ACVR1C: variants seen among roughly 807,000 people sequenced by gnomAD.
ACVR1C encodes the protein activin A receptor type 1C.
In ACVR1C, 23 loss-of-function variants were observed where a neutral mutation model predicts 57.9. That is an observed-to-expected ratio of 0.40 (90% confidence interval 0.29 to 0.56). The LOEUF is 0.56. ACVR1C is among the 20% of genes least tolerant of loss of function. ACVR1C has a pLI of 0.50. For missense variants in ACVR1C, 480 were observed against 607.9 expected, an observed-to-expected ratio of 0.79 and a Z score of 2.21; for synonymous variants, 214 against 215.3, an observed-to-expected ratio of 0.99 and a Z score of 0.05.
At chr2:157,551,277 C>T (rs1435823887) in intron 3 of ACVR1C, among the ~76,000 whole-genome samples, 17 of 152,068 alleles carry the variant, frequency 1.1e-4, no homozygotes, top group African/African-American at 3.9e-4. Context: ...ATCAATATTA[C>T]GCATCTCGCA....
At chr2:157,550,487 T>G in intron 3 of ACVR1C, 95 bp from the exon 4 acceptor site, 1 of 1,085,672 alleles carries the variant, frequency 9.2e-7, no homozygotes, top group South Asian at 1.6e-5. Context: ...AAGCAAACAT[T>G]TAAATGCTTT....
intron 1 of ACVR1C, among the ~76,000 whole-genome samples, chr2:157,603,319 G>T (rs1411787499): frequency 6.6e-6 from 1 of 152,084 alleles, no homozygotes; most frequent in Non-Finnish European, 1.5e-5. Flanking sequence ...AACAGACACA[G>T]TGACTATCCC....
At chr2:157,612,227 TGGGG>T (rs1228526150) in intron 1 of ACVR1C, among the ~76,000 whole-genome samples, 3 of 152,046 alleles carry the variant, frequency 2.0e-5, no homozygotes, top group Non-Finnish European at 4.4e-5. Flanking sequence ...TGCAATGTTT[TGGGG>T]GGTTAGTGGG....
intron 3 of ACVR1C, among the ~76,000 whole-genome samples, chr2:157,553,026 C>A (rs1298354818): frequency 6.6e-6 from 1 of 152,208 alleles, no homozygotes; most frequent in Non-Finnish European, 1.5e-5. Flanking sequence ...CTCATCAGTC[C>A]ATTTTCCCCT....
intron 1 of ACVR1C, among the ~76,000 whole-genome samples, chr2:157,620,031 T>C (rs974359951): frequency 6.6e-6 from 1 of 152,078 alleles, no homozygotes; most frequent in African/African-American, 2.4e-5. Flanking sequence ...TCATCTTGAT[T>C]TGGCACAATA....
chr2:157,588,939 AT>A (rs1158596637), intron 1 of ACVR1C, among the ~76,000 whole-genome samples: 1 of 143,384 alleles, frequency 7.0e-6, no homozygotes, highest in Non-Finnish European at 1.5e-5. Context: ...TTTTGTATTC[AT>A]TTTTTGTATT....
At chr2:157,556,851 C>T (rs1336195730) in intron 2 of ACVR1C, among the ~76,000 whole-genome samples, 1 of 151,814 alleles carries the variant, frequency 6.6e-6, no homozygotes, top group Non-Finnish European at 1.5e-5. Flanking sequence ...TTTATAGAGA[C>T]AGGGTTTCAC....
In ACVR1C at chr2:157,598,338, TTAAAA is replaced by T. The variant is rs1313896394; in HGVS notation, c.74-10926_74-10922del. On this transcript the variant is annotated intron_variant, in intron 1 of 8. Transcript: ENST00000243349. ...AATATATACAATTATGATTTGTTAA[TTAAAA>T]TATTTATTAAAAGAATAAAAATAAA... 3.3e-5 allele frequency among the ~76,000 whole-genome samples: 5 copies of T among 151,660 alleles called. No homozygotes were observed. The East Asian group carries it at 7.7e-4, about 23-fold the overall frequency.
chr2:157,588,761 G>A lies in ACVR1C; in HGVS notation c.74-1344C>T, dbSNP rs995992071. Among the ~76,000 whole-genome samples, 4 of 149,694 alleles carry A rather than the reference G, an allele frequency of 2.7e-5. No individual in the cohort carries two copies. In the South Asian group the frequency reaches 8.4e-4, roughly 31 times the overall value. On this transcript the variant is annotated intron_variant, in intron 1 of 8. Coordinates refer to ENST00000243349, the MANE Select transcript of ACVR1C (RefSeq NM_145259.3). The stretch of plus-strand genomic sequence containing the variant: ...CCAGTTCCATCAGAAGTCGCTGCAA[G>A]AGACTATTTCATTCTTTTTTATGGC...
intron 2 of ACVR1C, among the ~76,000 whole-genome samples, chr2:157,559,184 T>C (rs1688177523): frequency 6.6e-6 from 1 of 152,166 alleles, no homozygotes. Context: ...AGTGCACTGC[T>C]CTAGTGATGG....
At chr2:157,613,444 T>C (rs1682575303) in intron 1 of ACVR1C, among the ~76,000 whole-genome samples, 1 of 149,612 alleles carries the variant, frequency 6.7e-6, no homozygotes, top group African/African-American at 2.5e-5. Flanking sequence ...TGTTAATTTT[T>C]GTTGTGTTTT....
chr2:157,542,622 T>C (rs1558969683), intron 6 of ACVR1C, 84 bp downstream of exon 6: 1 of 1,452,468 alleles, frequency 6.9e-7, no homozygotes. Context: ...TATTTGGACC[T>C]GAGCCTCCTC....
At chr2:157,628,065 G>A (rs1336093138) in intron 1 of ACVR1C, among the ~76,000 whole-genome samples, 1 of 152,132 alleles carries the variant, frequency 6.6e-6, no homozygotes, top group Non-Finnish European at 1.5e-5. Context: ...CTTGGCATCT[G>A]CGGCTTTTGG....
At chr2:157,566,872 A>G (rs550976691) in intron 2 of ACVR1C, among the ~76,000 whole-genome samples, 4 of 151,974 alleles carry the variant, frequency 2.6e-5, no homozygotes, top group Non-Finnish European at 4.4e-5. Context: ...CCACAGCTCA[A>G]GGAGGCCTGC....
At chr2:157,614,802 C>T (rs559119764) in intron 1 of ACVR1C, among the ~76,000 whole-genome samples, 1 of 152,162 alleles carries the variant, frequency 6.6e-6, no homozygotes, top group Admixed American at 6.5e-5. Flanking sequence ...ATATAGCCAC[C>T]CCAGCTTTCT....
At chr2:157,572,555 G>A (rs972952806) in intron 2 of ACVR1C, among the ~76,000 whole-genome samples, 1 of 152,040 alleles carries the variant, frequency 6.6e-6, no homozygotes, top group East Asian at 1.9e-4. Context: ...AAATATTTGA[G>A]TAAAAATGTA....
chr2:157,552,123 G>T (rs1687938113), intron 3 of ACVR1C, among the ~76,000 whole-genome samples: 1 of 151,984 alleles, frequency 6.6e-6, no homozygotes, highest in African/African-American at 2.4e-5. Context: ...TTGTTTGTTG[G>T]TTTGTTTTGT....
rs1207614229 is a variant in ACVR1C, at chr2:157,550,156, A to C, written c.775+6T>G. On this transcript the variant is annotated splice_donor_region_variant and intron_variant, in intron 4 of 8. Transcript: ENST00000243349. Reference sequence around the variant, plus strand: ...TACTTGTTGAACACAATTAGATTGGAAATACCTTTGTTGTCAGCAGCAATG... The same window carrying C: ...TACTTGTTGAACACAATTAGATTGGCAATACCTTTGTTGTCAGCAGCAATG... 2 of 1,613,462 alleles carry C rather than the reference A, an allele frequency of 1.2e-6. No homozygotes were observed. Among genetic ancestry groups the C allele is most frequent in the East Asian group, 4.5e-5 (2 of 44,882 alleles).
chr2:157,622,408 A>G (rs1682800188), intron 1 of ACVR1C, among the ~76,000 whole-genome samples: 1 of 152,188 alleles, frequency 6.6e-6, no homozygotes, highest in Non-Finnish European at 1.5e-5. Flanking sequence ...GTACTGACAT[A>G]AAAACAGACA....
Sources: gnomAD v4.1 joint callset for allele counts (sites outside exome capture counted in the v4.1 genomes callset) on GRCh38, gnomAD v4.1.1 for gene constraint, MANE v1.5 for transcripts, NCBI Gene and HGNC (gene_info 2026-07-23, HGNC 2026-07-21) for gene names.